RELA: variants seen among roughly 807,000 people sequenced by gnomAD.
The protein encoded by RELA is transcription factor p65.
In RELA, 14 loss-of-function variants were observed where a neutral mutation model predicts 56.7. The observed-to-expected ratio is 0.25, with a 90% CI of 0.16 to 0.39. The LOEUF is 0.39. Among genes scored for constraint, RELA ranks in the 10% least tolerant of loss-of-function variants. The probability of loss-of-function intolerance (pLI) is 1.00; values close to 1 mark genes in which losing one functional copy is unlikely to be tolerated. For missense variants in RELA, 559 were observed against 736.4 expected, an observed-to-expected ratio of 0.76 and a Z score of 2.79; for synonymous variants, 315 against 289.7, an observed-to-expected ratio of 1.09 and a Z score of -0.89.
intron 8 of RELA, among the ~76,000 whole-genome samples, chr11:65,657,968 G>A (rs1004074103): frequency 6.6e-6 from 1 of 152,280 alleles, no homozygotes; most frequent in Admixed American, 6.5e-5. Context: ...GGGTTCCAAC[G>A]CTGACTCTGC....
rs1856524931 is a variant in RELA at position 65,660,041 on chromosome 11, C to T, written c.427+83G>A. The T allele has an allele frequency of 2.9e-6, 4 of 1,388,568 alleles. No individual in the cohort carries two copies. The South Asian group carries it at 3.5e-5, about 12-fold the overall frequency. 86.0% of individuals were successfully genotyped at this position (1,388,568 alleles called of 1,614,324 possible). On this transcript the variant is annotated intron_variant, in intron 5 of 10. Coordinates refer to ENST00000406246, the MANE Select transcript of RELA (RefSeq NM_021975.4). ...CACCAAGATTCCAGCTTTACTGTGTCTTGGCCAGTGAGGGAGATGCAGGAA... is the reference window on the plus strand; with the variant it reads ...CACCAAGATTCCAGCTTTACTGTGTTTTGGCCAGTGAGGGAGATGCAGGAA...
In RELA at chr11:65,659,871, C is replaced by T. The variant is rs149289805; in HGVS notation, c.428-74G>A. 2,292 of 1,533,018 alleles carry T rather than the reference C, an allele frequency of 1.5e-3. 29 individuals carry two copies. In the African/African-American group the frequency reaches 0.029, roughly 19 times the overall value. The allele number at this position is 1,533,018 out of a possible 1,614,324, so 95.0% of individuals were successfully genotyped here. ...GTGCTATCAGTGGGGGCAGGGAGCT[C>T]TGCGCTGGGAGGGCCGCTGGTGCGT... On this transcript the variant is annotated intron_variant, in intron 5 of 10. Transcript: ENST00000406246.
Position 65,658,971 on chromosome 11 carries a change from A to C in RELA, c.560-149T>G. The stretch of plus-strand genomic sequence containing the variant: ...TTTGTAGCCAAAGTCAGACCTTCTT[A>C]TTAGCTCCTCACCCCAACCGATTCA... On this transcript the variant is annotated intron_variant, in intron 6 of 10. Transcript: ENST00000406246. The surrounding 1 kb of genome is among the most constrained non-coding windows in gnomAD (Gnocchi z 4.5). 1 of 669,634 alleles carries C rather than the reference A, an allele frequency of 1.5e-6. No homozygotes were observed. The highest frequency in any genetic ancestry group is 2.7e-6 in the Non-Finnish European group (1 of 368,516). 41.5% of individuals were successfully genotyped at this position (669,634 alleles called of 1,614,324 possible).
At position 65,658,623 on chromosome 11, in the gene RELA, G is replaced by A. The variant is rs1856489250; in HGVS notation, c.664+95C>T. 4 of 1,406,244 alleles carry A rather than the reference G, an allele frequency of 2.8e-6. No homozygotes were observed. Among genetic ancestry groups the A allele is most frequent in the Non-Finnish European group, 3.0e-6 (3 of 997,470 alleles). 87.1% of individuals were successfully genotyped at this position (1,406,244 alleles called of 1,614,324 possible). ...CCCACCTGAGGCCCCCGAGGCACAG[G>A]AGGAAGTATCCAAAGCCAGTTACCT... is the stretch of plus-strand genomic sequence containing the variant. On this transcript the variant is annotated intron_variant, in intron 7 of 10. Coordinates refer to ENST00000406246, the MANE Select transcript of RELA (RefSeq NM_021975.4). The surrounding 1 kb of genome is among the most constrained non-coding windows in gnomAD (Gnocchi z 4.5).
In RELA at chr11:65,656,096, T is replaced by G. The variant is rs187364144; in HGVS notation, c.878-161A>C. The G allele has an allele frequency of 1.2e-3, 856 of 702,598 alleles. 7 individuals carry two copies. The African/African-American group carries it at 0.013, about 11-fold the overall frequency. 43.5% of individuals were successfully genotyped at this position (702,598 alleles called of 1,614,324 possible). A position where few individuals can be genotyped will look rare whatever the true frequency, so the allele number is the denominator to read the frequency against. On this transcript the variant is annotated intron_variant, in intron 8 of 10. Transcript: ENST00000406246. ...AGGGATGTGTGACACTCAGCAGTTC[T>G]GAGAATCCCACAGCTTTTGGAGGCC...
At chr11:65,660,952 T>C (rs1856548620) in intron 4 of RELA, among the ~76,000 whole-genome samples, 1 of 145,428 alleles carries the variant, frequency 6.9e-6, no homozygotes, top group Non-Finnish European at 1.5e-5. Context: ...GGCAGGAGAA[T>C]GGCATGAACC....
chr11:65,655,633 C>G lies in RELA; in HGVS notation c.1033+55G>C, dbSNP rs757922542. 4 of 1,537,440 alleles carry G rather than the reference C, an allele frequency of 2.6e-6. No individual in the cohort carries two copies. The East Asian group carries it at 9.0e-5, about 35-fold the overall frequency. ...CCAGGAGTCTTCATCTCCACTGCTC[C>G]TCAGCTGAACAGAGCTGAACCTGTC... is the stretch of plus-strand genomic sequence containing the variant. On this transcript the variant is annotated intron_variant, in intron 10 of 10. Coordinates refer to ENST00000406246, the MANE Select transcript of RELA (RefSeq NM_021975.4).
chr11:65,662,888 C>T lies in RELA; in HGVS notation c.-56G>A. 8.5e-7 allele frequency: 1 copy of T among 1,176,794 alleles called. No individual in the cohort carries two copies. Among genetic ancestry groups the T allele is most frequent in the Non-Finnish European group, 1.1e-6 (1 of 950,646 alleles). 72.9% of individuals were successfully genotyped at this position (1,176,794 alleles called of 1,614,324 possible). On this transcript the variant is annotated 5_prime_UTR_variant, in exon 1 of 11. Transcript: ENST00000406246. Reference sequence around the variant, plus strand: ...GCAGCTGGGCCCGCGGCGTGCACTACAGACGAGCCATTCGCCAGAGGCGGA... The same window carrying T: ...GCAGCTGGGCCCGCGGCGTGCACTATAGACGAGCCATTCGCCAGAGGCGGA...
At chr11:65,660,548 C>T (rs192553363) in intron 4 of RELA, 9 of 316,352 alleles carry the variant, frequency 2.8e-5, no homozygotes, top group African/African-American at 1.7e-4. Context: ...TACTTCTCTC[C>T]TCCTTCTCAC....
intron 8 of RELA, 28 bp from the exon 9 acceptor site, chr11:65,655,963 C>T (rs1404500469): frequency 6.9e-6 from 11 of 1,602,890 alleles, no homozygotes; most frequent in East Asian, 2.2e-5. Context: ...AGAAGTGGGA[C>T]TTGCTCTCCT....
intron 2 of RELA, 36 bp from the exon 3 acceptor site, chr11:65,662,124 C>A (rs1240606705): frequency 1.2e-6 from 2 of 1,600,588 alleles, no homozygotes; most frequent in East Asian, 4.5e-5. Context: ...TAGGCGGCTG[C>A]CCCCACTGCC....
intron 1 of RELA, 167 bp from the exon 2 acceptor site, chr11:65,662,372 G>T: frequency 1.4e-6 from 1 of 719,092 alleles, no homozygotes; most frequent in Non-Finnish European, 2.1e-6. Context: ...AAAGGAACCA[G>T]AAACACCTGC....
At chr11:65,656,795 C>T (rs540805262) in intron 8 of RELA, among the ~76,000 whole-genome samples, 3 of 152,256 alleles carry the variant, frequency 2.0e-5, no homozygotes, top group East Asian at 3.9e-4. Flanking sequence ...GAGGTCGAGG[C>T]GGGTGGATCA....
Position 65,658,761 on chromosome 11 carries a change from G to C in RELA, c.621C>G (p.Leu207=). 6.2e-7 allele frequency: 1 copy of C among 1,614,120 alleles called. No homozygotes were observed. The highest frequency in any genetic ancestry group is 8.5e-7 in the Non-Finnish European group (1 of 1,180,004). ...CRVNRNSGSC[L]GGDEIFLLCD... ...ACAGTAGGAAGATCTCATCCCCACCGAGGCAGCTGCCAGAGTTTCGGTTCA... is the reference window on the plus strand; with the variant it reads ...ACAGTAGGAAGATCTCATCCCCACCCAGGCAGCTGCCAGAGTTTCGGTTCA... Residue 207 remains leucine (L), a synonymous_variant, in exon 7 of 11, where the codon CTC becomes CTG. Transcript: ENST00000406246. The surrounding 1 kb of genome is among the most constrained non-coding windows in gnomAD (Gnocchi z 4.5).
At chr11:65,657,482 G>C (rs139210727) in intron 8 of RELA, among the ~76,000 whole-genome samples, 417 of 152,298 alleles carry the variant, frequency 2.7e-3, no homozygotes, top group African/African-American at 9.6e-3. Flanking sequence ...TCTGCTTAGA[G>C]GCCTTCAGCT....
At chr11:65,659,218 T>C (rs1458017793) in intron 6 of RELA, among the ~76,000 whole-genome samples, 1 of 152,206 alleles carries the variant, frequency 6.6e-6, no homozygotes, top group Non-Finnish European at 1.5e-5. Flanking sequence ...TTTCCCATCC[T>C]TGGGGCTCCA....
intron 6 of RELA, 98 bp downstream of exon 6, chr11:65,659,568 T>C: frequency 6.9e-7 from 1 of 1,455,486 alleles, no homozygotes; most frequent in Non-Finnish European, 9.5e-7. Flanking sequence ...GATGATTGAA[T>C]GAAGCCAGAG....
At position 65,654,478 on chromosome 11, in the gene RELA, C is replaced by A; in HGVS notation, c.1556G>T (p.Gly519Val). The A allele has an allele frequency of 1.2e-6, 2 of 1,602,756 alleles. No individual in the cohort carries two copies. The highest frequency in any genetic ancestry group is 1.7e-6 in the Non-Finnish European group (2 of 1,176,140). The change falls in exon 11 of 11, where the codon GGG becomes GTG. Residue 519 changes from glycine (G) to valine (V), a missense_variant. Gly to Val is a moderately radical substitution (Grantham distance 109, BLOSUM62 -3). Transcript: ENST00000406246. ...GAGGCCATTGGGGAGCCCCGGGGCC[C>A]CCAGTGGAGCAGGAGCTGGGTCGGG... is the stretch of plus-strand genomic sequence containing the variant. ...RPPDPAPAPLGAPGLPNGLLS... is the reference protein window; with the variant it reads ...RPPDPAPAPLVAPGLPNGLLS...
At chr11:65,662,804 C>T (rs1215693417) in intron 1 of RELA, 22 bp downstream of exon 1, 43 of 1,199,696 alleles carry the variant, frequency 3.6e-5, no homozygotes, top group Non-Finnish European at 4.4e-5. Context: ...TGCCACCCCG[C>T]GGGGTCAGAG....
Sources: allele counts gnomAD v4.1 joint callset (sites outside exome capture counted in the v4.1 genomes callset), GRCh38; gene constraint gnomAD v4.1.1; non-coding constraint Gnocchi (gnomAD v3.1); transcripts MANE v1.5; gene names NCBI Gene and HGNC (gene_info 2026-07-23, HGNC 2026-07-21).